Variants in RAB3C observed in about 807,000 individuals in gnomAD.
The protein encoded by RAB3C is RAB3C, member RAS oncogene family, also known as ras-related protein Rab-3C.
Under a neutral mutation model 26.4 loss-of-function variants are expected in RAB3C, and 17 were observed. The ratio of observed to expected loss-of-function variants is 0.64; its 90% CI spans 0.44 to 0.97. The LOEUF (loss-of-function observed/expected upper bound fraction) is 0.97, where lower values mean the gene tolerates loss of function less well. RAB3C is among the 50% of genes least tolerant of loss of function. The pLI is 0.00. For missense variants in RAB3C, 242 were observed against 281.9 expected, an observed-to-expected ratio of 0.86 and a Z score of 1.01; for synonymous variants, 91 against 95.9, an observed-to-expected ratio of 0.95 and a Z score of 0.30.
intron 3 of RAB3C, among the ~76,000 whole-genome samples, chr5:58,788,834 T>G (rs532277857): frequency 6.6e-6 from 1 of 152,318 alleles, no homozygotes; most frequent in South Asian, 2.1e-4. Flanking sequence ...ATCTCACATT[T>G]TGGATAATGG....
At chr5:58,759,156 T>C (rs1210647633) in intron 3 of RAB3C, among the ~76,000 whole-genome samples, 1 of 152,246 alleles carries the variant, frequency 6.6e-6, no homozygotes, top group Non-Finnish European at 1.5e-5. Context: ...CAGTGAAGGA[T>C]ACAAACAAGT....
chr5:58,717,671 T>C (rs990975073), intron 2 of RAB3C, among the ~76,000 whole-genome samples: 4 of 152,114 alleles, frequency 2.6e-5, no homozygotes, highest in African/African-American at 9.7e-5. Context: ...CTCTTGGAGA[T>C]GGCTTAATGG....
At chr5:58,831,669 G>C (rs1024218532) in intron 4 of RAB3C, among the ~76,000 whole-genome samples, 1 of 152,268 alleles carries the variant, frequency 6.6e-6, no homozygotes, top group African/African-American at 2.4e-5. Context: ...TTATTTGCTT[G>C]TTTGTTACAT....
chr5:58,813,782 C>CATAGGCTCAAGGGGATATTCAGTGA (rs1743153891), intron 3 of RAB3C, among the ~76,000 whole-genome samples: 1 of 69,938 alleles, frequency 1.4e-5, no homozygotes, highest in Non-Finnish European at 2.8e-5. Flanking sequence ...TCAGTGAATG[C>CATAGGCTCAAGGGGATATTCAGTGA]ACACATACAG....
At chr5:58,686,288 CA>C (rs1376842282) in intron 2 of RAB3C, among the ~76,000 whole-genome samples, 3 of 152,130 alleles carry the variant, frequency 2.0e-5, no homozygotes, top group South Asian at 2.1e-4. Flanking sequence ...GACAAATACC[CA>C]AACAACACAT....
chr5:58,810,014 G>A (rs1429945274), intron 3 of RAB3C, among the ~76,000 whole-genome samples: 1 of 152,180 alleles, frequency 6.6e-6, no homozygotes, highest in Non-Finnish European at 1.5e-5. Flanking sequence ...GAGCAATAAA[G>A]CAGCCCAGGT....
intron 4 of RAB3C, among the ~76,000 whole-genome samples, chr5:58,840,102 T>C (rs1593030): frequency 0.85 from 128,316 of 151,806 alleles, 55,051 homozygotes; most frequent in African/African-American, 0.95. Flanking sequence ...CCCAAAACAC[T>C]GAAAATATAA....
intron 4 of RAB3C, among the ~76,000 whole-genome samples, chr5:58,838,836 A>G (rs1023458760): frequency 1.3e-5 from 2 of 152,208 alleles, no homozygotes; most frequent in African/African-American, 4.8e-5. Context: ...ACTGGGGTCT[A>G]TCTTTCCCTT....
intron 3 of RAB3C, among the ~76,000 whole-genome samples, chr5:58,819,377 T>C (rs1833859): frequency 0.5 from 75,872 of 152,092 alleles, 19,411 homozygotes; most frequent in Middle Eastern, 0.67. Flanking sequence ...ATTCTTCTGA[T>C]GCTAATTCCT....
At chr5:58,692,499 G>A (rs1561290987) in intron 2 of RAB3C, among the ~76,000 whole-genome samples, 1 of 151,910 alleles carries the variant, frequency 6.6e-6, no homozygotes, top group Admixed American at 6.6e-5. Context: ...TTAAATTTAA[G>A]TGGGAAAAAC....
At chr5:58,734,494 T>C (rs1406394818) in intron 3 of RAB3C, among the ~76,000 whole-genome samples, 1 of 152,156 alleles carries the variant, frequency 6.6e-6, no homozygotes, top group Non-Finnish European at 1.5e-5. Flanking sequence ...TCTTTCTCCC[T>C]GGATGTTAAT....
chr5:58,696,164 G>T (rs2111869193), intron 2 of RAB3C, among the ~76,000 whole-genome samples: 1 of 152,272 alleles, frequency 6.6e-6, no homozygotes, highest in South Asian at 2.1e-4. Context: ...GGCCTCTTCT[G>T]CATCTATTGA....
chr5:58,690,480 T>C (rs1748547836), intron 2 of RAB3C, among the ~76,000 whole-genome samples: 3 of 152,270 alleles, frequency 2.0e-5, no homozygotes, highest in South Asian at 4.1e-4. Flanking sequence ...ATATCTCAAC[T>C]GGGGTGGCTT....
chr5:58,846,298 C>T (rs1221208441), intron 4 of RAB3C, among the ~76,000 whole-genome samples: 1 of 152,096 alleles, frequency 6.6e-6, no homozygotes, highest in Non-Finnish European at 1.5e-5. Flanking sequence ...AAGAAACCTC[C>T]CAAGGAGCCT....
chr5:58,766,280 C>A (rs887053718), intron 3 of RAB3C, among the ~76,000 whole-genome samples: 1 of 152,092 alleles, frequency 6.6e-6, no homozygotes, highest in Non-Finnish European at 1.5e-5. Context: ...CCACATTCAG[C>A]TAATTTTTTG....
intron 1 of RAB3C, among the ~76,000 whole-genome samples, chr5:58,593,755 GATAA>G (rs1284930076): frequency 3.9e-5 from 6 of 152,136 alleles, no homozygotes; most frequent in Non-Finnish European, 8.8e-5. Context: ...GTTCTGTTGA[GATAA>G]TGAAGTATTT....
intron 4 of RAB3C, 114 bp downstream of exon 4, chr5:58,825,276 A>T: frequency 1.7e-6 from 2 of 1,154,476 alleles, no homozygotes; most frequent in East Asian, 6.2e-5. Context: ...TGTCAATCTA[A>T]GAGTGGAAAG....
intron 2 of RAB3C, among the ~76,000 whole-genome samples, chr5:58,629,631 G>C (rs1174172415): frequency 1.3e-5 from 2 of 152,170 alleles, no homozygotes; most frequent in African/African-American, 4.8e-5. Context: ...GAGTGGGAAA[G>C]CTTTATAATG....
intron 2 of RAB3C, among the ~76,000 whole-genome samples, chr5:58,670,960 G>C (rs990817779): frequency 1.1e-4 from 16 of 152,124 alleles, no homozygotes; most frequent in African/African-American, 3.9e-4. Flanking sequence ...ATGTTTTTCA[G>C]GTAGGCAGTT....
Sources: gnomAD v4.1 joint callset for allele counts (sites outside exome capture counted in the v4.1 genomes callset) on GRCh38, gnomAD v4.1.1 for gene constraint, MANE v1.5 for transcripts, NCBI Gene and HGNC (gene_info 2026-07-23, HGNC 2026-07-21) for gene names.